Variants in THSD4 observed in about 807,000 individuals in gnomAD.
THSD4 encodes thrombospondin type 1 domain containing 4.
In THSD4, 69 loss-of-function variants were observed where a neutral mutation model predicts 119.0. That is an observed-to-expected ratio of 0.58 (90% confidence interval 0.48 to 0.71). The LOEUF (loss-of-function observed/expected upper bound fraction) is 0.71. Ranked by LOEUF, THSD4 falls within the 30% of genes least tolerant of loss-of-function variation. THSD4 has a pLI of 0.00. For synonymous variants in THSD4, 524 were observed against 540.4 expected (o/e 0.97, Z 0.42); for missense variants, 1,393 against 1,391.1 (o/e 1.00, Z -0.02).
At chr15:71,725,657 G>A (rs1477320232) in intron 8 of THSD4, among the ~76,000 whole-genome samples, 6 of 152,070 alleles carry the variant, frequency 3.9e-5, no homozygotes, top group Admixed American at 3.9e-4. Flanking sequence ...AGGAGGCCTG[G>A]GAAACACCCA....
chr15:71,762,132 G>A (rs2053636184), intron 15 of THSD4, among the ~76,000 whole-genome samples: 1 of 148,002 alleles, frequency 6.8e-6, no homozygotes, highest in African/African-American at 2.6e-5. Flanking sequence ...TTCAAATGCT[G>A]TCTCATGCGC....
chr15:71,759,593 C>G (rs988789799), intron 15 of THSD4, among the ~76,000 whole-genome samples: 1 of 152,152 alleles, frequency 6.6e-6, no homozygotes, highest in Non-Finnish European at 1.5e-5. Flanking sequence ...TACATAGGAC[C>G]TAAACCCCAA....
intron 7 of THSD4, among the ~76,000 whole-genome samples, chr15:71,589,104 AG>A (rs1327647874): frequency 6.6e-6 from 1 of 152,230 alleles, no homozygotes; most frequent in African/African-American, 2.4e-5. Flanking sequence ...AGATTCACAT[AG>A]TCATGCATTC....
In THSD4 at chr15:71,470,780, C is replaced by T. The variant is rs963902287; in HGVS notation, c.1152+58957C>T. Reference sequence around the variant, plus strand: ...CCTCCCGAGTAGCTGGGACTACAGGCGCCCGCCACCGCGCCCGGCTAATTT... The same window carrying T: ...CCTCCCGAGTAGCTGGGACTACAGGTGCCCGCCACCGCGCCCGGCTAATTT... On this transcript the variant is annotated intron_variant, in intron 7 of 17. Coordinates refer to ENST00000261862, the MANE Select transcript of THSD4 (RefSeq NM_024817.3). 6.6e-5 allele frequency among the ~76,000 whole-genome samples: 10 copies of T among 151,994 alleles called. No homozygotes were observed. The East Asian group carries it at 1.2e-3, about 18-fold the overall frequency.
intron 1 of THSD4, among the ~76,000 whole-genome samples, chr15:71,098,548 G>A (rs1435733697): frequency 2.0e-5 from 3 of 151,932 alleles, no homozygotes; most frequent in Non-Finnish European, 4.4e-5. Context: ...ACAGGTTTGA[G>A]CCACTGCACC....
At chr15:71,390,238 T>C (rs1179042343) in intron 6 of THSD4, among the ~76,000 whole-genome samples, 2 of 152,320 alleles carry the variant, frequency 1.3e-5, no homozygotes, top group Non-Finnish European at 1.5e-5. Flanking sequence ...CAGTGAAATA[T>C]AGGCCAAGGG....
At chr15:71,247,299 TTC>T (rs1432439636) in intron 5 of THSD4, among the ~76,000 whole-genome samples, 1 of 152,192 alleles carries the variant, frequency 6.6e-6, no homozygotes, top group Non-Finnish European at 1.5e-5. Flanking sequence ...CTTTTAAACA[TTC>T]TCAAGAGAAG....
chr15:71,476,448 G>T (rs1180422344), intron 7 of THSD4, among the ~76,000 whole-genome samples: 1 of 152,130 alleles, frequency 6.6e-6, no homozygotes, highest in Non-Finnish European at 1.5e-5. Flanking sequence ...CACCATGTTG[G>T]CCAGGCTGGT....
intron 6 of THSD4, among the ~76,000 whole-genome samples, chr15:71,381,033 G>A (rs1304485979): frequency 6.6e-6 from 1 of 152,070 alleles, no homozygotes; most frequent in African/African-American, 2.4e-5. Context: ...TGTCTTCCTA[G>A]GATTATGGGC....
chr15:71,125,707 C>A (rs1479722011), intron 1 of THSD4, among the ~76,000 whole-genome samples: 1 of 152,254 alleles, frequency 6.6e-6, no homozygotes, highest in Non-Finnish European at 1.5e-5. Flanking sequence ...GGCGCCAGGC[C>A]TGCTGGCTGC....
intron 8 of THSD4, among the ~76,000 whole-genome samples, chr15:71,710,780 G>T (rs995169987): frequency 1.3e-5 from 2 of 152,026 alleles, no homozygotes; most frequent in Non-Finnish European, 2.9e-5. Flanking sequence ...ACAATTTCAT[G>T]GTACGTTCTG....
At chr15:71,244,763 C>T (rs962607842) in intron 5 of THSD4, among the ~76,000 whole-genome samples, 1 of 152,158 alleles carries the variant, frequency 6.6e-6, no homozygotes, top group African/African-American at 2.4e-5. Context: ...GTTTCATGGT[C>T]AGACATGCCC....
chr15:71,112,574 T>C (rs1402941311), upstream of THSD4, among the ~76,000 whole-genome samples: 3 of 152,192 alleles, frequency 2.0e-5, no homozygotes, highest in Non-Finnish European at 4.4e-5. Context: ...ACATCAGATA[T>C]GCAAAGGGGT....
intron 4 of THSD4, among the ~76,000 whole-genome samples, chr15:71,225,648 A>G (rs1445758383): frequency 6.6e-6 from 1 of 150,470 alleles, no homozygotes; most frequent in Non-Finnish European, 1.5e-5. Flanking sequence ...CCCGAGTTCA[A>G]ATGATTCTCC....
At chr15:71,482,353 C>G (rs529694760) in intron 7 of THSD4, among the ~76,000 whole-genome samples, 59 of 148,970 alleles carry the variant, frequency 4.0e-4, no homozygotes, top group Non-Finnish European at 6.4e-4. Flanking sequence ...TGCAGTGGCA[C>G]GATCTCGGCT....
At chr15:71,261,297 C>T (rs2415109) in intron 6 of THSD4, among the ~76,000 whole-genome samples, 52,526 of 151,874 alleles carry the variant, frequency 0.35, 9,607 homozygotes, top group Middle Eastern at 0.44. Context: ...AGCCTAGGAA[C>T]GCCAAGGATT....
At chr15:71,325,395 G>A (rs11855237) in intron 6 of THSD4, among the ~76,000 whole-genome samples, 7,301 of 152,218 alleles carry the variant, frequency 0.048, 194 homozygotes, top group Non-Finnish European at 0.063. Context: ...CAGTCCTGAA[G>A]CTGACACTGG....
intron 3 of THSD4, among the ~76,000 whole-genome samples, chr15:71,197,856 C>T (rs956036323): frequency 4.6e-5 from 7 of 151,276 alleles, no homozygotes; most frequent in Non-Finnish European, 8.8e-5. Context: ...TTATAGGGTG[C>T]TGGCCCTATG....
intron 3 of THSD4, among the ~76,000 whole-genome samples, chr15:71,187,820 A>G (rs995644584): frequency 2.6e-5 from 4 of 152,238 alleles, no homozygotes; most frequent in African/African-American, 9.6e-5. Flanking sequence ...CAGCACTGCC[A>G]GATTAATCTT....
Sources: gnomAD v4.1 joint callset for allele counts (sites outside exome capture counted in the v4.1 genomes callset) on GRCh38, gnomAD v4.1.1 for gene constraint, MANE v1.5 for transcripts, NCBI Gene and HGNC (gene_info 2026-07-23, HGNC 2026-07-21) for gene names.